Variants in CMTM4 observed in about 807,000 individuals in gnomAD.
The protein encoded by CMTM4 is CKLF-like MARVEL transmembrane domain-containing protein 4.
A neutral mutation model predicts 19.0 loss-of-function variants in CMTM4; 8 were observed. The ratio of observed to expected loss-of-function variants is 0.42; its 90% CI spans 0.25 to 0.76. The LOEUF (loss-of-function observed/expected upper bound fraction) is 0.76. CMTM4 is among the 30% of genes least tolerant of loss of function. The probability of loss-of-function intolerance (pLI) is 0.27; values close to 1 mark genes in which losing one functional copy is unlikely to be tolerated. For missense variants in CMTM4, 228 were observed against 290.2 expected, an observed-to-expected ratio of 0.79 and a Z score of 1.56; for synonymous variants, 106 against 121.1, an observed-to-expected ratio of 0.88 and a Z score of 0.82.
intron 1 of CMTM4, among the ~76,000 whole-genome samples, chr16:66,646,108 G>T (rs548464704): frequency 3.9e-5 from 6 of 152,280 alleles, no homozygotes; most frequent in Non-Finnish European, 7.4e-5. Context: ...GGGTCCAAGG[G>T]ATACTTAGAG....
intron 1 of CMTM4, among the ~76,000 whole-genome samples, chr16:66,684,122 C>T (rs1024850420): frequency 2.0e-5 from 3 of 151,820 alleles, no homozygotes; most frequent in African/African-American, 7.2e-5. Context: ...CCTTATTCTG[C>T]TTACTGTGGT....
At chr16:66,604,962 GC>G in the CMTM4 span, 1 of 1,492,398 alleles carries the variant, frequency 6.7e-7, no homozygotes, top group South Asian at 1.3e-5. Flanking sequence ...GGTGAGTGCG[GC>G]GGGACCCTCG....
intron 1 of CMTM4, among the ~76,000 whole-genome samples, chr16:66,674,177 G>A (rs974570103): frequency 1.3e-5 from 2 of 152,296 alleles, no homozygotes; most frequent in African/African-American, 2.4e-5. Flanking sequence ...TAGGCCTTTG[G>A]GACCCAGGGG....
At chr16:66,659,862 T>C (rs962425594) in intron 1 of CMTM4, among the ~76,000 whole-genome samples, 3 of 152,246 alleles carry the variant, frequency 2.0e-5, no homozygotes, top group Admixed American at 2.0e-4. Context: ...GCACTTGTAC[T>C]ATTATCTTTA....
At chr16:66,654,203 T>C (rs2016359339) in intron 1 of CMTM4, among the ~76,000 whole-genome samples, 1 of 152,200 alleles carries the variant, frequency 6.6e-6, no homozygotes, top group African/African-American at 2.4e-5. Flanking sequence ...CCCCATCCTA[T>C]TGACAAGCAA....
intron 1 of CMTM4, among the ~76,000 whole-genome samples, chr16:66,683,163 A>ATATATATATACATATATATATG (rs1567432126): frequency 2.1e-5 from 2 of 95,466 alleles, no homozygotes; most frequent in African/African-American, 7.1e-5. Context: ...ATATATACGT[A>ATATATATATACATATATATATG]TATATATATA....
intron 1 of CMTM4, among the ~76,000 whole-genome samples, chr16:66,637,638 G>A (rs1742227355): frequency 6.6e-6 from 1 of 152,200 alleles, no homozygotes; most frequent in Admixed American, 6.5e-5. Flanking sequence ...AATAGATATT[G>A]ATAGAAATTA....
chr16:66,620,565 T>C lies in CMTM4; in HGVS notation c.*1493A>G, dbSNP rs993802337. 2.0e-6 allele frequency: 2 copies of C among 985,420 alleles called. No homozygotes were observed. Among genetic ancestry groups the C allele is most frequent in the Non-Finnish European group, 2.4e-6 (2 of 830,014 alleles). 61.0% of individuals were successfully genotyped at this position (985,420 alleles called of 1,614,324 possible). A position where few individuals can be genotyped will look rare whatever the true frequency, so the allele number is the denominator to read the frequency against. ...CGCCACATGTCCATAAGGTGACGCT[T>C]TCTTGCACAGACCCCCCGCCGCCCC... On this transcript the variant is annotated 3_prime_UTR_variant, in exon 4 of 4. Transcript: ENST00000394106.
rs371382457 is a variant in CMTM4, at chr16:66,689,922, CTT to C, written c.186+6416_186+6417del. ...CTGTAGTATCATTTTCTTGAACTGTCTTTGTGTGGTTTTGTAAAACACATGTA... is the reference window on the plus strand; with the variant it reads ...CTGTAGTATCATTTTCTTGAACTGTCTGTGTGGTTTTGTAAAACACATGTA... On this transcript the variant is annotated intron_variant, in intron 1 of 3. Coordinates refer to ENST00000394106, the MANE Select transcript of CMTM4 (RefSeq NM_181521.3). Among the ~76,000 whole-genome samples, 421 of 152,056 alleles carry C rather than the reference CTT, an allele frequency of 2.8e-3. 2 individuals are homozygous for C. Among genetic ancestry groups the C allele is most frequent in the African/African-American group, 9.2e-3 (379 of 41,410 alleles).
the CMTM4 span, among the ~76,000 whole-genome samples, chr16:66,600,125 T>TGGGGGGG: frequency 5.5e-5 from 8 of 145,652 alleles, no homozygotes; most frequent in African/African-American, 2.1e-4. Context: ...TGTGTGTGTG[T>TGGGGGGG]GTGTGTGTGT....
intron 1 of CMTM4, among the ~76,000 whole-genome samples, chr16:66,694,712 CAAAA>C (rs752909314): frequency 2.3e-5 from 1 of 44,350 alleles, no homozygotes; most frequent in Non-Finnish European, 4.5e-5. Flanking sequence ...GACTCCATCT[CAAAA>C]AAAAAAAAAA....
intron 1 of CMTM4, among the ~76,000 whole-genome samples, chr16:66,666,900 A>G (rs1302095764): frequency 6.6e-6 from 1 of 152,210 alleles, no homozygotes; most frequent in East Asian, 1.9e-4. Context: ...GAAACAACAG[A>G]CACCTCTGAT....
intron 1 of CMTM4, among the ~76,000 whole-genome samples, chr16:66,695,522 T>C (rs577508230): frequency 6.6e-6 from 1 of 152,238 alleles, no homozygotes; most frequent in East Asian, 1.9e-4. Flanking sequence ...CGCAGAGGCA[T>C]GTTACAAAAC....
At chr16:66,665,319 T>G (rs1304844609) in intron 1 of CMTM4, among the ~76,000 whole-genome samples, 2 of 136,424 alleles carry the variant, frequency 1.5e-5, no homozygotes, top group Non-Finnish European at 3.2e-5. Flanking sequence ...ATCATAGATC[T>G]AAATGTAAAA....
At chr16:66,606,693 G>C in the CMTM4 span, among the ~76,000 whole-genome samples, 1 of 152,148 alleles carries the variant, frequency 6.6e-6, no homozygotes, top group Non-Finnish European at 1.5e-5. Context: ...GGGCCAAGTT[G>C]CTTAAGAACT....
intron 1 of CMTM4, among the ~76,000 whole-genome samples, chr16:66,686,319 T>C (rs990001296): frequency 6.6e-5 from 10 of 150,692 alleles, no homozygotes; most frequent in African/African-American, 2.2e-4. Flanking sequence ...CCCAGCACTT[T>C]GGGAGGCCAA....
At chr16:66,669,699 G>A (rs2016667325) in intron 1 of CMTM4, among the ~76,000 whole-genome samples, 1 of 152,042 alleles carries the variant, frequency 6.6e-6, no homozygotes, top group South Asian at 2.1e-4. Context: ...TCGCTACCAT[G>A]CCTGGCTAAT....
At chr16:66,607,204 G>T in the CMTM4 span, among the ~76,000 whole-genome samples, 1 of 152,212 alleles carries the variant, frequency 6.6e-6, no homozygotes, top group Non-Finnish European at 1.5e-5. Flanking sequence ...ACCTTGGCCT[G>T]CTCTGCAGCG....
intron 1 of CMTM4, among the ~76,000 whole-genome samples, chr16:66,665,176 G>T (rs575599510): frequency 6.9e-6 from 1 of 145,026 alleles, no homozygotes; most frequent in African/African-American, 2.6e-5. Context: ...TCGAACTCCT[G>T]ACCTCAAGCA....
Sources: allele counts gnomAD v4.1 joint callset (sites outside exome capture counted in the v4.1 genomes callset), GRCh38; gene constraint gnomAD v4.1.1; transcripts MANE v1.5; gene names NCBI Gene and HGNC (gene_info 2026-07-23, HGNC 2026-07-21).